WAC: variants seen among roughly 807,000 people sequenced by gnomAD.
WAC encodes WW domain-containing adapter protein with coiled-coil.
A neutral mutation model predicts 79.6 loss-of-function variants in WAC; 11 were observed. The observed-to-expected ratio is 0.14, with a 90% confidence interval of 0.09 to 0.23. The LOEUF is 0.23. Among genes scored for constraint, WAC ranks in the 10% least tolerant of loss-of-function variants. The probability of loss-of-function intolerance (pLI) is 1.00; values close to 1 mark genes in which losing one functional copy is unlikely to be tolerated. For missense variants in WAC, 728 were observed against 773.5 expected, an observed-to-expected ratio of 0.94 and a Z score of 0.70; for synonymous variants, 304 against 276.9, an observed-to-expected ratio of 1.10 and a Z score of -0.97.
At chr10:28,602,479 A>G (rs139333940) in intron 7 of WAC, among the ~76,000 whole-genome samples, 71 of 152,270 alleles carry the variant, frequency 4.7e-4, no homozygotes, top group Middle Eastern at 3.4e-3. Context: ...AATCTGCTCT[A>G]TGTTTCCCAT....
In WAC at chr10:28,533,494, C is replaced by CCCG. The variant is rs968068478; in HGVS notation, c.-71_-69dup. On this transcript the variant is annotated 5_prime_UTR_variant, in exon 1 of 14. Coordinates refer to ENST00000354911, the MANE Select transcript of WAC (RefSeq NM_016628.5). Reference sequence around the variant, plus strand: ...GCCCAGGTGCCGGGGCTGCCCGCCGCCCGCCGCCGCCGCCGCCTGCGCGCC... The same window carrying CCCG: ...GCCCAGGTGCCGGGGCTGCCCGCCGCCCGCCGCCGCCGCCGCCGCCTGCGCGCC... 9.5e-4 allele frequency: 846 copies of CCCG among 888,606 alleles called. 2 individuals carry two copies. Among genetic ancestry groups the CCCG allele is most frequent in the South Asian group, 1.5e-3 (34 of 22,700 alleles). 55.0% of individuals were successfully genotyped at this position (888,606 alleles called of 1,614,324 possible). A position where few individuals can be genotyped will look rare whatever the true frequency, so the allele number is the denominator to read the frequency against.
intron 11 of WAC, chr10:28,615,497 GA>G (rs1053122478): frequency 1.2e-4 from 19 of 152,180 alleles, no homozygotes; most frequent in African/African-American, 4.6e-4. Context: ...CCTCAGTGAT[GA>G]AAACTCTTCA....
At chr10:28,580,254 C>G (rs1437833076) in intron 3 of WAC, among the ~76,000 whole-genome samples, 1 of 152,134 alleles carries the variant, frequency 6.6e-6, no homozygotes, top group African/African-American at 2.4e-5. Flanking sequence ...TTGGTAACTT[C>G]TGTCAGGCTG....
intron 7 of WAC, among the ~76,000 whole-genome samples, chr10:28,598,739 A>G (rs1364327918): frequency 5.3e-5 from 8 of 152,260 alleles, no homozygotes; most frequent in Non-Finnish European, 1.2e-4. Context: ...CATAACATAC[A>G]GCACATCTAT....
At chr10:28,560,979 G>T (rs915385549) in intron 3 of WAC, among the ~76,000 whole-genome samples, 1 of 152,186 alleles carries the variant, frequency 6.6e-6, no homozygotes, top group African/African-American at 2.4e-5. Context: ...GGTAGGAAGA[G>T]AACCTAGAGA....
At chr10:28,611,517 C>T (rs1291342081) in intron 9 of WAC, 3 of 1,379,820 alleles carry the variant, frequency 2.2e-6, no homozygotes, top group Non-Finnish European at 2.8e-6. Flanking sequence ...AGGTTCAGGC[C>T]TAGCTTCCTG....
Position 28,619,877 on chromosome 10 carries a change from T to C in WAC, c.*271T>C. ...CATGGGAAGCCATGTGTAACAGAGC[T>C]TAGACATCCAAAACTAATCAATGCT... is the stretch of plus-strand genomic sequence containing the variant. On this transcript the variant is annotated 3_prime_UTR_variant, in exon 14 of 14. Transcript: ENST00000354911. 1 of 271,472 alleles carries C rather than the reference T, an allele frequency of 3.7e-6. No individual in the cohort carries two copies. The highest frequency in any genetic ancestry group is 6.8e-6 in the Non-Finnish European group (1 of 146,332). The allele number at this position is 271,472 out of a possible 1,614,324, so 16.8% of individuals were successfully genotyped here.
chr10:28,552,501 T>C (rs113707062), intron 3 of WAC, among the ~76,000 whole-genome samples: 2 of 152,332 alleles, frequency 1.3e-5, no homozygotes, highest in African/African-American at 2.4e-5. Context: ...GGCTTGTGTT[T>C]TGTGTAGTTT....
chr10:28,536,074 C>T, intron 3 of WAC: 1 of 163,764 alleles, frequency 6.1e-6, no homozygotes, highest in Non-Finnish European at 1.3e-5. Flanking sequence ...AAACCCATCT[C>T]TACTAAAAAT....
At chr10:28,549,793 A>G (rs936149558) in intron 3 of WAC, among the ~76,000 whole-genome samples, 21 of 152,132 alleles carry the variant, frequency 1.4e-4, no homozygotes, top group African/African-American at 2.4e-5. Context: ...ACTGAAATGA[A>G]CTGTTATGTC....
At chr10:28,533,825 C>A in intron 1 of WAC, 173 bp from the exon 2 acceptor site, 1 of 998,396 alleles carries the variant, frequency 1.0e-6, no homozygotes, top group Non-Finnish European at 1.4e-6. Flanking sequence ...GGCATTTCGC[C>A]CTCTCCGGCC....
intron 13 of WAC, 27 bp from the exon 14 acceptor site, chr10:28,619,510 G>C (rs139342658): frequency 6.5e-7 from 1 of 1,534,558 alleles, no homozygotes; most frequent in East Asian, 2.4e-5. Flanking sequence ...ATGTACACAG[G>C]TTCTAATGTC....
rs373182435 is a variant in WAC at position 28,596,503 on chromosome 10, G to A, written c.919+462G>A. Among the ~76,000 whole-genome samples the A allele has an allele frequency of 1.5e-4, 23 of 152,314 alleles. 1 individual carries two copies. In the South Asian group the frequency reaches 2.7e-3, roughly 18 times the overall value. The stretch of plus-strand genomic sequence containing the variant: ...TAAGTTGTGGGCCATAAGATAAGGC[G>A]TGTTAATGTCTGAATTGGACCTTAA... On this transcript the variant is annotated intron_variant, in intron 7 of 13. Transcript: ENST00000354911.
At chr10:28,599,512 A>G (rs1226248438) in intron 7 of WAC, among the ~76,000 whole-genome samples, 1 of 152,206 alleles carries the variant, frequency 6.6e-6, no homozygotes, top group Non-Finnish European at 1.5e-5. Flanking sequence ...GTGTTAAAAT[A>G]TTTGTTGTAG....
At chr10:28,598,824 T>G (rs1049844912) in intron 7 of WAC, among the ~76,000 whole-genome samples, 1 of 152,238 alleles carries the variant, frequency 6.6e-6, no homozygotes, top group African/African-American at 2.4e-5. Context: ...GTGTGTTTGC[T>G]AATCACAAGC....
chr10:28,584,262 GCTGA>G (rs1246572221), intron 4 of WAC, among the ~76,000 whole-genome samples: 2 of 152,178 alleles, frequency 1.3e-5, no homozygotes, highest in South Asian at 2.1e-4. Flanking sequence ...TTCCCAACAG[GCTGA>G]CTAAAACTTG....
At chr10:28,581,165 A>T (rs1366090723) in intron 3 of WAC, among the ~76,000 whole-genome samples, 1 of 149,906 alleles carries the variant, frequency 6.7e-6, no homozygotes, top group Admixed American at 6.7e-5. Flanking sequence ...AAAATTTCAG[A>T]CTCCAGTAGG....
intron 3 of WAC, among the ~76,000 whole-genome samples, chr10:28,553,383 A>G (rs1837805700): frequency 6.6e-6 from 1 of 152,188 alleles, no homozygotes; most frequent in African/African-American, 2.4e-5. Context: ...GGAAATACTC[A>G]TTTTGACTCT....
intron 7 of WAC, among the ~76,000 whole-genome samples, chr10:28,607,343 T>C (rs1309441604): frequency 6.6e-6 from 1 of 152,160 alleles, no homozygotes; most frequent in East Asian, 1.9e-4. Flanking sequence ...GCTGGCAGTG[T>C]TCTTTTTCTT....
Sources: gnomAD v4.1 joint callset for allele counts (sites outside exome capture counted in the v4.1 genomes callset) on GRCh38, gnomAD v4.1.1 for gene constraint, MANE v1.5 for transcripts, NCBI Gene and HGNC (gene_info 2026-07-23, HGNC 2026-07-21) for gene names.